The following PLXNC1 variants were observed in gnomAD, a reference collection of about 807,000 sequenced individuals.
PLXNC1 encodes the protein plexin-C1.
Under a neutral mutation model 178.2 loss-of-function variants are expected in PLXNC1, and 75 were observed. The ratio of observed to expected loss-of-function variants is 0.42; its 90% CI spans 0.35 to 0.51. PLXNC1 has a LOEUF of 0.51. Ranked by LOEUF, PLXNC1 falls within the 20% of genes least tolerant of loss-of-function variation. The pLI is 0.02. For missense variants in PLXNC1, 1,503 were observed against 1,984.4 expected (o/e 0.76, Z 4.61); for synonymous variants, 790 against 779.9 (o/e 1.01, Z -0.22).
chr12:94,270,678 T>G (rs1965517395), intron 21 of PLXNC1, among the ~76,000 whole-genome samples: 1 of 152,098 alleles, frequency 6.6e-6, no homozygotes, highest in African/African-American at 2.4e-5. Flanking sequence ...TACTTGATTC[T>G]AGGATGGACA....
Position 94,226,635 on chromosome 12 carries a change from G to T in PLXNC1, c.1821G>T (p.Ala607=), listed in dbSNP as rs114617018. 2 of 1,613,522 alleles carry T rather than the reference G, an allele frequency of 1.2e-6. No homozygotes were observed. The part of the protein sequence containing the change: ...ECPACVETGC[A]WCKSARRCIH... ...CAGCATGCGTAGAAACTGGCTGCGC[G>T]TGGTGTAAAAGTGCAAGAAGGTGTA... The change falls in exon 8 of 31, where the codon GCG becomes GCT. Residue 607 remains alanine (A), a synonymous_variant. Coordinates refer to ENST00000258526, the MANE Select transcript of PLXNC1 (RefSeq NM_005761.3).
intron 8 of PLXNC1, 128 bp downstream of exon 8, chr12:94,226,835 C>G (rs1963953858): frequency 1.4e-6 from 1 of 693,922 alleles, no homozygotes; most frequent in Non-Finnish European, 2.6e-6. Context: ...ACCAGCCTGA[C>G]CAACATGGCA....
Position 94,149,295 on chromosome 12 carries a change from G to A in PLXNC1, c.324G>A (p.Leu108=), listed in dbSNP as rs1304942262. ...RPRPGSSFSK[L]LLPYREGAAG... ...GGCCCGGGAGCAGCTTCAGCAAGCTGCTGCTGCCCTACCGCGAGGGGGCGG... is the reference window on the plus strand; with the variant it reads ...GGCCCGGGAGCAGCTTCAGCAAGCTACTGCTGCCCTACCGCGAGGGGGCGG... Residue 108 remains leucine, a synonymous_variant, in exon 1 of 31, where the codon CTG becomes CTA. Transcript: ENST00000258526. 1 of 1,491,190 alleles carries A rather than the reference G, an allele frequency of 6.7e-7. No homozygotes were observed. Among genetic ancestry groups the A allele is most frequent in the Non-Finnish European group, 8.9e-7 (1 of 1,129,732 alleles). 92.4% of individuals were successfully genotyped at this position (1,491,190 alleles called of 1,614,324 possible).
chr12:94,167,486 C>T (rs191062248), intron 1 of PLXNC1, among the ~76,000 whole-genome samples: 6 of 152,328 alleles, frequency 3.9e-5, no homozygotes, highest in Admixed American at 3.9e-4. Context: ...ATAAAAATAA[C>T]AGGCATGGTC....
Position 94,247,936 on chromosome 12 carries a change from T to C in PLXNC1, c.2422T>C (p.Phe808Leu). The change falls in exon 13 of 31, where the codon TTT (phenylalanine) becomes CTT (leucine). Residue 808 changes from phenylalanine (F) to leucine (L), a missense_variant. Around this residue, in one of 4 missense-constraint regions of PLXNC1, gnomAD observed 639 missense variants for 979.7 expected, o/e 0.65. Coordinates refer to ENST00000258526, the MANE Select transcript of PLXNC1 (RefSeq NM_005761.3). ...ATATTGTGTGGCGACTTACTGCGGG[T>C]TTTTAGCCCCCAGTTTAAAGAGTTC... ...SEYCVATYCG[F>L]LAPSLKSSKV... 1.2e-6 allele frequency: 2 copies of C among 1,613,604 alleles called. No individual in the cohort carries two copies. The highest frequency in any genetic ancestry group is 8.5e-7 in the Non-Finnish European group (1 of 1,179,670).
In PLXNC1 at chr12:94,149,926, G is replaced by A. The variant is rs1960887238; in HGVS notation, c.955G>A (p.Glu319Lys). ...CAGCGCGGCCGCTGGAGAGGGCCAG[G>A]AGCGGCGCTCCCCCACCACCACGGC... Reference protein sequence around the residue: ...VFSAAAGEGQERRSPTTTALC... With the variant: ...VFSAAAGEGQKRRSPTTTALC... Residue 319 changes from glutamate to lysine, a missense_variant, in exon 1 of 31, where the codon GAG becomes AAG. Around this residue, in one of 4 missense-constraint regions of PLXNC1, gnomAD observed 615 missense variants for 698.6 expected, o/e 0.88. Transcript: ENST00000258526. 6.3e-7 allele frequency: 1 copy of A among 1,587,852 alleles called. No homozygotes were observed. The highest frequency in any genetic ancestry group is 1.3e-5 in the African/African-American group (1 of 74,426).
Position 94,305,349 on chromosome 12 carries a change from T to C in PLXNC1, c.*64T>C. 1.1e-6 allele frequency: 1 copy of C among 897,050 alleles called. No individual in the cohort carries two copies. Among genetic ancestry groups the C allele is most frequent in the Non-Finnish European group, 1.8e-6 (1 of 551,884 alleles). 55.6% of individuals were successfully genotyped at this position (897,050 alleles called of 1,614,324 possible). A position where few individuals can be genotyped will look rare whatever the true frequency, so the allele number is the denominator to read the frequency against. ...GACGACTTGGGAGCAAAATGGCTGCTTGAGCTACTCTGTGTCGTTAATTTG... is the reference window on the plus strand; with the variant it reads ...GACGACTTGGGAGCAAAATGGCTGCCTGAGCTACTCTGTGTCGTTAATTTG... On this transcript the variant is annotated 3_prime_UTR_variant, in exon 31 of 31. Coordinates refer to ENST00000258526, the MANE Select transcript of PLXNC1 (RefSeq NM_005761.3).
chr12:94,207,735 A>G (rs571389296), intron 4 of PLXNC1, among the ~76,000 whole-genome samples: 39 of 152,368 alleles, frequency 2.6e-4, no homozygotes, highest in African/African-American at 8.7e-4. Flanking sequence ...AAGAAATGCT[A>G]TAGGAGTTCA....
At chr12:94,212,907 G>C (rs1188274174) in intron 5 of PLXNC1, among the ~76,000 whole-genome samples, 1 of 151,996 alleles carries the variant, frequency 6.6e-6, no homozygotes, top group East Asian at 1.9e-4. Context: ...TTTTAGTAGA[G>C]ATGGGGTTTC....
At chr12:94,188,702 G>C (rs914970250) in intron 4 of PLXNC1, among the ~76,000 whole-genome samples, 3 of 152,194 alleles carry the variant, frequency 2.0e-5, no homozygotes, top group Admixed American at 1.3e-4. Context: ...AAGGAGAAAT[G>C]GATGATACAG....
At chr12:94,162,733 A>G (rs1961431714) in intron 1 of PLXNC1, among the ~76,000 whole-genome samples, 1 of 152,076 alleles carries the variant, frequency 6.6e-6, no homozygotes, top group Non-Finnish European at 1.5e-5. Flanking sequence ...GAAAGAGAAG[A>G]GTTGAGGGTG....
At chr12:94,245,779 C>A (rs1220893228) in intron 12 of PLXNC1, among the ~76,000 whole-genome samples, 1 of 152,092 alleles carries the variant, frequency 6.6e-6, no homozygotes, top group Non-Finnish European at 1.5e-5. Flanking sequence ...TAGTGGGAAC[C>A]TAGAGGGTGG....
At chr12:94,230,021 G>A (rs971078469) in intron 9 of PLXNC1, among the ~76,000 whole-genome samples, 1 of 152,172 alleles carries the variant, frequency 6.6e-6, no homozygotes, top group Non-Finnish European at 1.5e-5. Flanking sequence ...GACGTTGACA[G>A]CAGTCAAGAC....
Position 94,237,700 on chromosome 12 carries a change from T to A in PLXNC1, c.2017T>A (p.Ser673Thr), listed in dbSNP as rs1160664359. 6.2e-7 allele frequency: 1 copy of A among 1,613,924 alleles called. No individual in the cohort carries two copies. Among genetic ancestry groups the A allele is most frequent in the Non-Finnish European group, 8.5e-7 (1 of 1,179,848 alleles). The change falls in exon 10 of 31, where the codon TCG becomes ACG. Residue 673 changes from serine to threonine, a missense_variant. Ser to Thr is a moderately conservative substitution (Grantham distance 58, BLOSUM62 1). This residue lies in a region of PLXNC1 where 615 missense variants were observed against 698.6 expected (regional missense o/e 0.88). Transcript: ENST00000258526. The part of the protein sequence containing the change: ...YIKSIEPQKV[S>T]TLGKSNVIVT... ...TAAGTCCATTGAGCCACAGAAAGTA[T>A]CGACATTAGGGAAAAGCAACGTGAT...
intron 5 of PLXNC1, among the ~76,000 whole-genome samples, chr12:94,213,234 T>C (rs1479508819): frequency 1.3e-5 from 2 of 152,256 alleles, no homozygotes; most frequent in East Asian, 3.8e-4. Context: ...CCACACTGTC[T>C]TCCACAATGG....
At chr12:94,160,253 C>T (rs979034175) in intron 1 of PLXNC1, among the ~76,000 whole-genome samples, 1 of 152,054 alleles carries the variant, frequency 6.6e-6, no homozygotes, top group Non-Finnish European at 1.5e-5. Flanking sequence ...TGAGTGAGCC[C>T]TCAGTAAGTG....
chr12:94,169,007 C>A (rs200931925), intron 1 of PLXNC1, 146 bp from the exon 2 acceptor site: 2 of 704,296 alleles, frequency 2.8e-6, no homozygotes, highest in Admixed American at 5.8e-5. Flanking sequence ...AGGTTGCTCC[C>A]GGGGAATCTA....
In PLXNC1 at chr12:94,180,875, C is replaced by T. The variant is rs7137684; in HGVS notation, c.1204-571C>T. Among the ~76,000 whole-genome samples the T allele has an allele frequency of 4.9e-3, 740 of 152,276 alleles. 8 individuals are homozygous for T. Among genetic ancestry groups the T allele is most frequent in the African/African-American group, 0.017 (724 of 41,544 alleles). ...AGAAATTGTGGTCAGCCAGCTTCCA[C>T]ATATGAGGATACTACCCCAGCCCTG... On this transcript the variant is annotated intron_variant, in intron 2 of 30. Coordinates refer to ENST00000258526, the MANE Select transcript of PLXNC1 (RefSeq NM_005761.3).
rs2136247507 is a variant in PLXNC1, at chr12:94,306,572, T to C, written c.*1287T>C. ...AAGTAAACAGCATAATTGGCAACTC[T>C]TGAGCTTTTCTTGTGGCAGGCACCT... On this transcript the variant is annotated 3_prime_UTR_variant, in exon 31 of 31. Coordinates refer to ENST00000258526, the MANE Select transcript of PLXNC1 (RefSeq NM_005761.3). 1 of 152,324 alleles carries C rather than the reference T, an allele frequency of 6.6e-6. No homozygotes were observed. Among genetic ancestry groups the C allele is most frequent in the Non-Finnish European group, 1.5e-5 (1 of 68,024 alleles). 9.4% of individuals were successfully genotyped at this position (152,324 alleles called of 1,614,324 possible).
Sources: allele counts gnomAD v4.1 joint callset (sites outside exome capture counted in the v4.1 genomes callset), GRCh38; gene constraint gnomAD v4.1.1; regional missense constraint gnomAD v4.1.1; transcripts MANE v1.5; gene names NCBI Gene and HGNC (gene_info 2026-07-23, HGNC 2026-07-21).